NR3C2: variants seen among roughly 807,000 people sequenced by gnomAD.
NR3C2 encodes mineralocorticoid receptor.
A neutral mutation model predicts 86.4 loss-of-function variants in NR3C2; 15 were observed. That is an observed-to-expected ratio of 0.17 (90% CI 0.12 to 0.27). The LOEUF is 0.27. Ranked by LOEUF, NR3C2 falls within the 10% of genes least tolerant of loss-of-function variation. The pLI is 1.00. For missense variants in NR3C2, 960 were observed against 1,195.6 expected (o/e 0.80, Z 2.91); for synonymous variants, 458 against 450.5 (o/e 1.02, Z -0.21).
At chr4:148,325,886 G>A (rs1339776025) in intron 2 of NR3C2, among the ~76,000 whole-genome samples, 1 of 152,186 alleles carries the variant, frequency 6.6e-6, no homozygotes, top group Non-Finnish European at 1.5e-5. Flanking sequence ...GATACACACA[G>A]ACGTGTGCTA....
chr4:148,205,445 G>A (rs1736956177), intron 3 of NR3C2, among the ~76,000 whole-genome samples: 2 of 145,294 alleles, frequency 1.4e-5, no homozygotes, highest in South Asian at 4.4e-4. Flanking sequence ...GCAAACCACT[G>A]TTATCAATTT....
At chr4:148,155,247 A>C (rs1734311028) in intron 4 of NR3C2, among the ~76,000 whole-genome samples, 2 of 152,188 alleles carry the variant, frequency 1.3e-5, no homozygotes, top group Non-Finnish European at 2.9e-5. Flanking sequence ...GGACTTAAGA[A>C]ATGTACCACC....
rs539953356 is a variant in NR3C2, at chr4:148,399,428, T to C, written c.1757+35676A>G. 4.6e-5 allele frequency among the ~76,000 whole-genome samples: 7 copies of C among 151,910 alleles called. No individual in the cohort carries two copies. In the East Asian group the frequency reaches 9.6e-4, roughly 21 times the overall value. On this transcript the variant is annotated intron_variant, in intron 2 of 8. Coordinates refer to ENST00000358102, the MANE Select transcript of NR3C2 (RefSeq NM_000901.5). ...AATGACATACATATAGTGTATTATA[T>C]ATAATTAATAAGAACATAATTTTTC...
chr4:148,151,210 A>C (rs920441186), intron 6 of NR3C2, among the ~76,000 whole-genome samples: 6 of 152,218 alleles, frequency 3.9e-5, no homozygotes, highest in Non-Finnish European at 8.8e-5. Flanking sequence ...GGTTGTTTTA[A>C]TGTTCTGTTA....
At chr4:148,251,175 T>C (rs1739558742) in intron 3 of NR3C2, among the ~76,000 whole-genome samples, 1 of 152,068 alleles carries the variant, frequency 6.6e-6, no homozygotes. Context: ...CCCAGGCTGG[T>C]CTCGAACTCC....
chr4:148,364,823 T>G (rs1746028989), intron 2 of NR3C2, among the ~76,000 whole-genome samples: 1 of 151,914 alleles, frequency 6.6e-6, no homozygotes, highest in Admixed American at 6.6e-5. Context: ...GGTTTTTTTT[T>G]TTTTTTTGGA....
chr4:148,313,385 A>G (rs1743000647), intron 2 of NR3C2, among the ~76,000 whole-genome samples: 1 of 152,234 alleles, frequency 6.6e-6, no homozygotes, highest in Non-Finnish European at 1.5e-5. Flanking sequence ...TTTACATAGT[A>G]GAGGACTATA....
At chr4:148,401,688 T>C (rs368985138) in intron 2 of NR3C2, among the ~76,000 whole-genome samples, 3 of 152,112 alleles carry the variant, frequency 2.0e-5, no homozygotes, top group Admixed American at 6.6e-5. Context: ...GGTCTCGATC[T>C]CCTGACCTTG....
chr4:148,441,894 G>A (rs920236718), intron 1 of NR3C2, among the ~76,000 whole-genome samples: 2 of 152,354 alleles, frequency 1.3e-5, no homozygotes, highest in Admixed American at 6.5e-5. Context: ...GTAAAGGGAA[G>A]GGTGGTAGAC....
At chr4:148,395,259 T>C (rs565022262) in intron 2 of NR3C2, among the ~76,000 whole-genome samples, 1 of 152,270 alleles carries the variant, frequency 6.6e-6, no homozygotes, top group African/African-American at 2.4e-5. Flanking sequence ...AGAAAGAACA[T>C]ACAACTTCAA....
intron 8 of NR3C2, among the ~76,000 whole-genome samples, chr4:148,099,357 A>G (rs1340953850): frequency 6.6e-6 from 1 of 152,176 alleles, no homozygotes; most frequent in African/African-American, 2.4e-5. Context: ...CCTATCAGCA[A>G]TGGAGCTACC....
At chr4:148,434,896 T>C (rs1749962948) in intron 2 of NR3C2, among the ~76,000 whole-genome samples, 3 of 152,168 alleles carry the variant, frequency 2.0e-5, no homozygotes, top group Admixed American at 2.0e-4. Context: ...TCAAAATCAA[T>C]GCAGATATTT....
chr4:148,243,596 C>T (rs904059716), intron 3 of NR3C2, among the ~76,000 whole-genome samples: 13 of 152,138 alleles, frequency 8.5e-5, no homozygotes, highest in African/African-American at 3.1e-4. Flanking sequence ...CACTTGGAGA[C>T]TCATTTAGTT....
intron 2 of NR3C2, among the ~76,000 whole-genome samples, chr4:148,363,482 A>G (rs1745945057): frequency 7.3e-6 from 1 of 137,204 alleles, no homozygotes; most frequent in Non-Finnish European, 1.6e-5. Flanking sequence ...CGTAACCATT[A>G]AAGTCTAGAC....
At chr4:148,219,366 T>C (rs182465166) in intron 3 of NR3C2, among the ~76,000 whole-genome samples, 1 of 152,334 alleles carries the variant, frequency 6.6e-6, no homozygotes, top group East Asian at 1.9e-4. Context: ...GAATACAAGT[T>C]CCTAATTAAT....
intron 2 of NR3C2, among the ~76,000 whole-genome samples, chr4:148,315,056 T>C (rs1464439120): frequency 6.6e-6 from 1 of 152,148 alleles, no homozygotes; most frequent in East Asian, 1.9e-4. Context: ...GTATCAAAGA[T>C]GTTATAATAG....
intron 3 of NR3C2, chr4:148,208,148 C>G (rs1737099903): frequency 6.6e-6 from 1 of 152,282 alleles, no homozygotes; most frequent in African/African-American, 2.4e-5. Flanking sequence ...CCCTTGAGAT[C>G]AGGAAGCACC....
intron 3 of NR3C2, among the ~76,000 whole-genome samples, chr4:148,205,328 T>C (rs574222591): frequency 6.6e-6 from 1 of 152,342 alleles, no homozygotes; most frequent in African/African-American, 2.4e-5. Context: ...AATGCTATAA[T>C]ATATGCATGT....
chr4:148,404,211 A>G (rs1215278194), intron 2 of NR3C2, among the ~76,000 whole-genome samples: 1 of 152,152 alleles, frequency 6.6e-6, no homozygotes, highest in African/African-American at 2.4e-5. Flanking sequence ...CCTGCATAAA[A>G]TAACTGAAAA....
Sources: gnomAD v4.1 joint callset for allele counts (sites outside exome capture counted in the v4.1 genomes callset) on GRCh38, gnomAD v4.1.1 for gene constraint, MANE v1.5 for transcripts, NCBI Gene and HGNC (gene_info 2026-07-23, HGNC 2026-07-21) for gene names.